FABP12: variants seen among roughly 807,000 people sequenced by gnomAD.
The protein encoded by FABP12 is fatty acid binding protein 12, also known as fatty acid-binding protein 12.
FABP12 carries 19 observed loss-of-function variants against 13.7 expected under a neutral mutation model. That is an observed-to-expected ratio of 1.39 (90% CI 0.97 to 2.04). The LOEUF (loss-of-function observed/expected upper bound fraction) is 2.04, where lower values mean the gene tolerates loss of function less well. Ranked by LOEUF, FABP12 falls within the 30% of genes most tolerant of loss-of-function variation. FABP12 has a pLI of 0.00. For synonymous variants in FABP12, 61 were observed against 57.0 expected (o/e 1.07, Z -0.32); for missense variants, 182 against 164.2 (o/e 1.11, Z -0.59).
At chr8:81,587,610 G>A (rs1415262778) in intron 1 of FABP12, among the ~76,000 whole-genome samples, 2 of 151,930 alleles carry the variant, frequency 1.3e-5, no homozygotes, top group African/African-American at 4.8e-5. Flanking sequence ...CAAACTGAGA[G>A]CCAATAACTT....
rs1026103978 is a variant in FABP12, at chr8:81,533,869, C to T, written c.-143G>A. Among the ~76,000 whole-genome samples, 5 of 152,128 alleles carry T rather than the reference C, an allele frequency of 3.3e-5. No individual in the cohort carries two copies. The highest frequency in any genetic ancestry group is 4.1e-4 in the South Asian group (2 of 4,824). On this transcript the variant is annotated 5_prime_UTR_variant, in exon 1 of 5. Transcript: ENST00000360464. ...AATCTGATCTCACGATGGACTTCTG[C>T]TGGACATACCTGACTTGATGACTCT...
intron 1 of FABP12, among the ~76,000 whole-genome samples, chr8:81,575,323 G>T (rs1008255845): frequency 1.8e-4 from 28 of 152,164 alleles, no homozygotes; most frequent in African/African-American, 6.3e-4. Flanking sequence ...GAGAGTGCTT[G>T]ACATAATTTC....
chr8:81,562,864 G>A (rs1809747763), intron 1 of FABP12, among the ~76,000 whole-genome samples: 1 of 152,198 alleles, frequency 6.6e-6, no homozygotes, highest in Admixed American at 6.5e-5. Flanking sequence ...CTAAGGAGAG[G>A]ATACAAGCCT....
Position 81,559,812 on chromosome 8 carries a change from G to C in FABP12, c.-184-20069C>G, listed in dbSNP as rs557570663. 2.0e-5 allele frequency among the ~76,000 whole-genome samples: 3 copies of C among 152,294 alleles called. No individual in the cohort carries two copies. The East Asian group carries it at 5.8e-4, about 29-fold the overall frequency. ...TGGATACAAGAAGAGGTTAAAATTT[G>C]TCTACAGGATGAAGTGATCAACCTC... On this transcript the variant is annotated intron_variant, in intron 1 of 5. Transcript: ENST00000692030.
intron 1 of FABP12, among the ~76,000 whole-genome samples, chr8:81,554,172 G>T (rs976923302): frequency 6.6e-5 from 10 of 152,142 alleles, no homozygotes; most frequent in Non-Finnish European, 1.2e-4. Context: ...GTTGTGCAAG[G>T]CACCTAAATT....
At chr8:81,558,666 C>A (rs1441426160) in intron 1 of FABP12, among the ~76,000 whole-genome samples, 1 of 151,902 alleles carries the variant, frequency 6.6e-6, no homozygotes, top group Non-Finnish European at 1.5e-5. Context: ...CCGAGGCGGG[C>A]AGATTGTGAG....
intron 1 of FABP12, among the ~76,000 whole-genome samples, chr8:81,585,306 T>C (rs1340454831): frequency 6.6e-6 from 1 of 152,196 alleles, no homozygotes; most frequent in Non-Finnish European, 1.5e-5. Context: ...TGCATATAGT[T>C]ATCCAGTTTT....
chr8:81,565,440 A>C (rs1390847961), intron 1 of FABP12, among the ~76,000 whole-genome samples: 8 of 152,082 alleles, frequency 5.3e-5, no homozygotes. Context: ...TTAGGTCATA[A>C]AACAAGGCTC....
chr8:81,553,784 A>C (rs553377712), intron 1 of FABP12, among the ~76,000 whole-genome samples: 1 of 152,298 alleles, frequency 6.6e-6, no homozygotes, highest in South Asian at 2.1e-4. Flanking sequence ...GTGTTTCTTC[A>C]TCCTCGATGT....
At chr8:81,561,658 T>C (rs890744192) in intron 1 of FABP12, among the ~76,000 whole-genome samples, 35 of 152,136 alleles carry the variant, frequency 2.3e-4, no homozygotes, top group Admixed American at 2.1e-3. Context: ...ACGGTGATTG[T>C]GGGACTTTGC....
chr8:81,527,116 T>G (rs770085173), exon 4 of FABP12: 1 of 1,589,840 alleles, frequency 6.3e-7, no homozygotes. Context: ...CTAAGGTTAC[T>G]TTACTCTGAA....
intron 1 of FABP12, among the ~76,000 whole-genome samples, chr8:81,540,066 C>A (rs1191263959): frequency 6.6e-6 from 1 of 152,212 alleles, no homozygotes; most frequent in Non-Finnish European, 1.5e-5. Flanking sequence ...CCAGGCAATT[C>A]TGACTGAAGT....
rs180939890 is a variant in FABP12, at chr8:81,530,647, G to A, written c.73+596C>T. Among the ~76,000 whole-genome samples, 14 of 152,298 alleles carry A rather than the reference G, an allele frequency of 9.2e-5. No homozygotes were observed. In the East Asian group the frequency reaches 2.3e-3, roughly 25 times the overall value. Reference sequence around the variant, plus strand: ...TAAAGATATTCACGTCTTAATCCCTGGAACCTGTGAATGTTACCTTTACAT... The same window carrying A: ...TAAAGATATTCACGTCTTAATCCCTAGAACCTGTGAATGTTACCTTTACAT... On this transcript the variant is annotated intron_variant, in intron 2 of 4. Coordinates refer to ENST00000360464, the Ensembl canonical transcript of FABP12.
intron 1 of FABP12, among the ~76,000 whole-genome samples, chr8:81,582,828 GA>G (rs1336905811): frequency 6.6e-6 from 1 of 152,080 alleles, no homozygotes; most frequent in Admixed American, 6.5e-5. Context: ...AGAAATATTG[GA>G]TTTAAACTGA....
chr8:81,543,709 T>C (rs1486773157), intron 1 of FABP12, among the ~76,000 whole-genome samples: 2 of 152,224 alleles, frequency 1.3e-5, no homozygotes, highest in East Asian at 3.8e-4. Flanking sequence ...GAGTAAGTTG[T>C]TTTTCTTTCT....
intron 1 of FABP12, among the ~76,000 whole-genome samples, chr8:81,562,542 C>T (rs1809742318): frequency 6.6e-6 from 1 of 152,116 alleles, no homozygotes; most frequent in Admixed American, 6.5e-5. Context: ...CAGGAGCTCA[C>T]TGCCCTGAAG....
chr8:81,551,537 G>A (rs899231881), intron 1 of FABP12, among the ~76,000 whole-genome samples: 5 of 152,066 alleles, frequency 3.3e-5, no homozygotes, highest in Non-Finnish European at 5.9e-5. Context: ...GGAATGTTTG[G>A]GGTACAATAT....
At chr8:81,544,158 T>C (rs1809397647) in intron 1 of FABP12, among the ~76,000 whole-genome samples, 1 of 152,120 alleles carries the variant, frequency 6.6e-6, no homozygotes, top group Admixed American at 6.5e-5. Flanking sequence ...TGGAGGCAAC[T>C]GAAAAGGGAG....
At chr8:81,531,148 GA>G (rs1809063938) in intron 2 of FABP12, 94 bp downstream of exon 2, 5 of 785,614 alleles carry the variant, frequency 6.4e-6, no homozygotes, top group Non-Finnish European at 1.1e-5. Flanking sequence ...AAAAATTAGG[GA>G]GTTCAAGATT....
Sources: allele counts gnomAD v4.1 joint callset (sites outside exome capture counted in the v4.1 genomes callset), GRCh38; gene constraint gnomAD v4.1.1; transcripts MANE v1.5; gene names NCBI Gene and HGNC (gene_info 2026-07-23, HGNC 2026-07-21).